SH2B2: variants seen among roughly 807,000 people sequenced by gnomAD.
SH2B2 encodes the protein SH2B adaptor protein 2.
A neutral mutation model predicts 35.7 loss-of-function variants in SH2B2; 37 were observed. The ratio of observed to expected loss-of-function variants is 1.04; its 90% CI spans 0.80 to 1.36. The LOEUF (loss-of-function observed/expected upper bound fraction) is 1.36. SH2B2 is among the 40% of genes most tolerant of loss of function. The pLI is 0.00. For synonymous variants in SH2B2, 383 were observed against 376.4 expected (o/e 1.02, Z -0.20); for missense variants, 852 against 817.7 (o/e 1.04, Z -0.51).
At chr7:102,287,705 C>T (rs1354440258) in intron 1 of SH2B2, among the ~76,000 whole-genome samples, 1 of 152,176 alleles carries the variant, frequency 6.6e-6, no homozygotes, top group Non-Finnish European at 1.5e-5. Flanking sequence ...GCCCTCCATT[C>T]AGGCCCTTGG....
intron 6 of SH2B2, among the ~76,000 whole-genome samples, chr7:102,316,290 A>G (rs1477309804): frequency 1.3e-5 from 2 of 152,028 alleles, no homozygotes; most frequent in African/African-American, 4.8e-5. Context: ...AAATAAATAA[A>G]TAAATAAAAT....
In SH2B2 at chr7:102,300,646, G is replaced by A. The variant is rs1447448321; in HGVS notation, c.96G>A (p.Gln32=). Reference sequence around the variant, plus strand: ...GGCAGTTCTGCGAGCTGCATGCGCAGGCGGCCGCCGTGGACTTTGCGCACA... The same window carrying A: ...GGCAGTTCTGCGAGCTGCATGCGCAAGCGGCCGCCGTGGACTTTGCGCACA... The part of the protein sequence containing the change: ...DWRQFCELHA[Q]AAAVDFAHKF... The change falls in exon 2 of 9, where the codon CAG becomes CAA. Residue 32 remains glutamine, a synonymous_variant. Transcript: ENST00000444095. The A allele has an allele frequency of 1.3e-6, 2 of 1,549,876 alleles. No homozygotes were observed. The highest frequency in any genetic ancestry group is 2.7e-5 in the African/African-American group (2 of 72,988).
At chr7:102,305,000 C>A (rs933062692) in intron 2 of SH2B2, among the ~76,000 whole-genome samples, 1 of 152,244 alleles carries the variant, frequency 6.6e-6, no homozygotes, top group South Asian at 2.1e-4. Context: ...AGGCTCACGG[C>A]AGGGAGCTTT....
At chr7:102,309,319 C>G (rs1554555529) in intron 4 of SH2B2, 1 of 364,496 alleles carries the variant, frequency 2.7e-6, no homozygotes, top group Admixed American at 3.6e-5. Flanking sequence ...CAAGACCAGC[C>G]TGGGCAACAT....
chr7:102,317,278 G>A lies in SH2B2; in HGVS notation c.1278G>A (p.Lys426=). 1 of 1,613,790 alleles carries A rather than the reference G, an allele frequency of 6.2e-7. No individual in the cohort carries two copies. The highest frequency in any genetic ancestry group is 8.5e-7 in the Non-Finnish European group (1 of 1,179,774). The part of the protein sequence containing the change: ...PWFHGTLSRV[K]AAQLVLAGGP... ...TCCACGGGACACTGTCCCGGGTCAAGGCTGCTCAACTGGTTCTGGCAGGGG... is the reference window on the plus strand; with the variant it reads ...TCCACGGGACACTGTCCCGGGTCAAAGCTGCTCAACTGGTTCTGGCAGGGG... Residue 426 remains lysine (K), a synonymous_variant, in exon 7 of 9, where the codon AAG becomes AAA. Transcript: ENST00000444095.
chr7:102,321,460 G>GCGTCGGGGCCCGCCCCCCCGCGCCC lies in SH2B2; in HGVS notation c.1735_1759dup (p.Glu587GlyfsTer?). ...GTCTTCCGCCTCGTCGTCCTCTGCC[G>GCGTCGGGGCCCGCCCCCCCGCGCCC]CGTCGGGGCCCGCCCCCCCGCGCCC... On this transcript the variant is annotated frameshift_variant, in exon 9 of 9. Coordinates refer to ENST00000444095, the MANE Select transcript of SH2B2 (RefSeq NM_001359228.2). LOFTEE classifies it low-confidence loss of function (END_TRUNC). 8.2e-7 allele frequency: 1 copy of GCGTCGGGGCCCGCCCCCCCGCGCCC among 1,226,764 alleles called. No homozygotes were observed. The highest frequency in any genetic ancestry group is 1.0e-6 in the Non-Finnish European group (1 of 980,802). 76.0% of individuals were successfully genotyped at this position (1,226,764 alleles called of 1,614,324 possible).
intron 1 of SH2B2, 25 bp from the exon 2 acceptor site, chr7:102,300,497 C>A: frequency 6.6e-7 from 1 of 1,507,106 alleles, no homozygotes; most frequent in Non-Finnish European, 8.8e-7. Flanking sequence ...GCCTGAAAGT[C>A]ACTGCGCGCT....
chr7:102,314,536 A>G lies in SH2B2; in HGVS notation c.1040A>G (p.Glu347Gly). The change falls in exon 6 of 9, where the codon GAG (glutamate) becomes GGG (glycine). Residue 347 changes from glutamate to glycine, a missense_variant. Physicochemically the swap from Glu to Gly is moderately conservative, Grantham distance 98 (BLOSUM62 -2). This residue lies in a region of SH2B2 where 556 missense variants were observed against 514.5 expected (regional missense o/e 1.08). Transcript: ENST00000444095. ...GCAGTCGACCTGCCCCGCCCCCCAG[A>G]GACGACAGCCGTGGGTGCAGTGGTG... ...TDAVDLPRPP[E>G]TTAVGAVVTA... 2.5e-6 allele frequency: 1 copy of G among 398,728 alleles called. No individual in the cohort carries two copies. Among genetic ancestry groups the G allele is most frequent in the Non-Finnish European group, 4.4e-6 (1 of 226,200 alleles). 24.7% of individuals were successfully genotyped at this position (398,728 alleles called of 1,614,324 possible). A position where few individuals can be genotyped will look rare whatever the true frequency, so the allele number is the denominator to read the frequency against.
intron 1 of SH2B2, among the ~76,000 whole-genome samples, chr7:102,288,510 G>A (rs868973799): frequency 1.3e-5 from 2 of 151,988 alleles, no homozygotes; most frequent in Admixed American, 6.5e-5. Flanking sequence ...TAATGCACAC[G>A]CTTTTCTTTT....
At chr7:102,289,741 T>G (rs1554551431) in intron 1 of SH2B2, among the ~76,000 whole-genome samples, 1 of 150,528 alleles carries the variant, frequency 6.6e-6, no homozygotes, top group South Asian at 2.1e-4. Flanking sequence ...TCCTGCAGGT[T>G]TAGGGGGCTG....
At position 102,313,437 on chromosome 7, in the gene SH2B2, G is replaced by A. The variant is rs957855387; in HGVS notation, c.924-899G>A. Among the ~76,000 whole-genome samples the A allele has an allele frequency of 2.0e-5, 3 of 152,154 alleles. No individual in the cohort carries two copies. The East Asian group carries it at 5.8e-4, about 30-fold the overall frequency. ...CACTCCAGCCTGGGTGACAGAGCAA[G>A]ACTCCCATCTCAAAACAAACAAACA... On this transcript the variant is annotated intron_variant, in intron 4 of 8. Transcript: ENST00000444095.
At chr7:102,296,340 C>A (rs1792912480) in intron 1 of SH2B2, among the ~76,000 whole-genome samples, 1 of 152,200 alleles carries the variant, frequency 6.6e-6, no homozygotes, top group African/African-American at 2.4e-5. Flanking sequence ...GAGGGAGGGG[C>A]ATTCCGGAAA....
At chr7:102,310,277 T>C (rs752239040) in intron 4 of SH2B2, among the ~76,000 whole-genome samples, 77 of 152,194 alleles carry the variant, frequency 5.1e-4, no homozygotes, top group Non-Finnish European at 9.3e-4. Context: ...GACTGTGCCA[T>C]TGCACTCCAG....
At chr7:102,291,555 G>T (rs1181473617) in intron 1 of SH2B2, among the ~76,000 whole-genome samples, 1 of 152,138 alleles carries the variant, frequency 6.6e-6, no homozygotes, top group African/African-American at 2.4e-5. Context: ...CCACTCTGCA[G>T]CAAAGTCACA....
At chr7:102,293,963 C>T (rs1406604278) in intron 1 of SH2B2, among the ~76,000 whole-genome samples, 1 of 152,110 alleles carries the variant, frequency 6.6e-6, no homozygotes, top group East Asian at 1.9e-4. Flanking sequence ...AGTTAAAGAC[C>T]ATAGGGTCTT....
At chr7:102,292,233 T>C (rs1247264373) in intron 1 of SH2B2, among the ~76,000 whole-genome samples, 3 of 151,100 alleles carry the variant, frequency 2.0e-5, no homozygotes, top group East Asian at 3.9e-4. Context: ...TACCAAAATA[T>C]CAAAAAATTA....
chr7:102,299,197 CTTT>C (rs71123035), intron 1 of SH2B2, among the ~76,000 whole-genome samples: 312 of 24,632 alleles, frequency 0.013, 19 homozygotes, highest in Middle Eastern at 0.05. Context: ...CCGCGCCTGG[CTTT>C]TTTTTTTTTT....
intron 1 of SH2B2, among the ~76,000 whole-genome samples, chr7:102,290,236 C>T (rs911992712): frequency 8.0e-5 from 4 of 50,216 alleles, no homozygotes; most frequent in Non-Finnish European, 1.2e-4. Flanking sequence ...TGGCTCCATA[C>T]CCCCCTTTTT....
At position 102,317,405 on chromosome 7, in the gene SH2B2, TG is replaced by T. The variant is rs782141815; in HGVS notation, c.1395+16del. 6.4e-7 allele frequency: 1 copy of T among 1,554,912 alleles called. No homozygotes were observed. The highest frequency in any genetic ancestry group is 8.7e-7 in the Non-Finnish European group (1 of 1,143,082). ...CCAGGGCAAGGCCAAGGCAAGTGTG[TG>T]GGGGGCGCCATGGGGGTGCAGTGGC... is the stretch of plus-strand genomic sequence containing the variant. On this transcript the variant is annotated intron_variant, in intron 7 of 8. Transcript: ENST00000444095.
Sources: allele counts gnomAD v4.1 joint callset (sites outside exome capture counted in the v4.1 genomes callset), GRCh38; gene constraint gnomAD v4.1.1; regional missense constraint gnomAD v4.1.1; transcripts MANE v1.5; gene names NCBI Gene and HGNC (gene_info 2026-07-23, HGNC 2026-07-21).